ISG20L2: variants seen among roughly 807,000 people sequenced by gnomAD.
ISG20L2 encodes interferon-stimulated 20 kDa exonuclease-like 2.
Under a neutral mutation model 27.8 loss-of-function variants are expected in ISG20L2, and 14 were observed. The ratio of observed to expected loss-of-function variants is 0.50; its 90% CI spans 0.33 to 0.79. ISG20L2 has a LOEUF of 0.79. Ranked by LOEUF, ISG20L2 falls within the 30% of genes least tolerant of loss-of-function variation. The pLI is 0.02. For synonymous variants in ISG20L2, 157 were observed against 165.7 expected (o/e 0.95, Z 0.40); for missense variants, 393 against 435.1 (o/e 0.90, Z 0.86).
intron 2 of ISG20L2, chr1:156,726,157 G>A (rs913281096): frequency 3.0e-6 from 3 of 985,284 alleles, no homozygotes; most frequent in Non-Finnish European, 3.6e-6. Flanking sequence ...TGTTCCAGTT[G>A]GACAATATAT....
chr1:156,726,755 A>T, intron 2 of ISG20L2, 151 bp downstream of exon 2: 1 of 1,446,174 alleles, frequency 6.9e-7, no homozygotes, highest in Non-Finnish European at 9.1e-7. Context: ...TGCTTCTTCC[A>T]CCGACAGGGG....
rs571746121 is a variant in ISG20L2 at position 156,727,841 on chromosome 1, T to A, written c.-117-72A>T. The A allele has an allele frequency of 6.4e-6, 9 of 1,404,986 alleles. No individual in the cohort carries two copies. The African/African-American group carries it at 1.3e-4, about 20-fold the overall frequency. 87.0% of individuals were successfully genotyped at this position (1,404,986 alleles called of 1,614,324 possible). ...AAAAATGAGGTAAGCTCGATCTCCGTAGGACTTATGGAAGGAAAGACATCA... is the reference window on the plus strand; with the variant it reads ...AAAAATGAGGTAAGCTCGATCTCCGAAGGACTTATGGAAGGAAAGACATCA... On this transcript the variant is annotated intron_variant, in intron 1 of 3. Transcript: ENST00000368219.
At chr1:156,724,110 T>C (rs1233155484) in intron 3 of ISG20L2, 38 bp downstream of exon 3, 2 of 1,539,040 alleles carry the variant, frequency 1.3e-6, no homozygotes, top group Non-Finnish European at 1.8e-6. Context: ...ACGAGAGCCA[T>C]GTCCAAGATG....
chr1:156,727,720 C>G lies in ISG20L2; in HGVS notation c.-68G>C. 3 of 1,547,986 alleles carry G rather than the reference C, an allele frequency of 1.9e-6. No homozygotes were observed. Among genetic ancestry groups the G allele is most frequent in the Non-Finnish European group, 2.6e-6 (3 of 1,155,496 alleles). ...ATGGATGAAAAGAGGATGTGGGACT[C>G]ATTCTCTGCTGAATCCTACTGTCCA... On this transcript the variant is annotated 5_prime_UTR_variant, in exon 2 of 4. An upstream start codon of the reference 5' UTR is lost. Coordinates refer to ENST00000368219, the MANE Select transcript of ISG20L2 (RefSeq NM_001370150.2).
chr1:156,725,911 G>A, intron 2 of ISG20L2: 2 of 985,482 alleles, frequency 2.0e-6, no homozygotes, highest in Non-Finnish European at 2.4e-6. Context: ...TGGGAACAGC[G>A]TGTCCAGAGA....
rs1421275608 is a variant in ISG20L2 at position 156,727,784 on chromosome 1, G to A, written c.-117-15C>T. On this transcript the variant is annotated splice_polypyrimidine_tract_variant and intron_variant, in intron 1 of 3. Transcript: ENST00000368219. The stretch of plus-strand genomic sequence containing the variant: ...TGTAGTACACCCTGGGGAAGAAAGT[G>A]ATCCTGGTAATTGAGCTCCTAGGCC... The A allele has an allele frequency of 3.4e-6, 5 of 1,486,806 alleles. No individual in the cohort carries two copies. 92.1% of individuals were successfully genotyped at this position (1,486,806 alleles called of 1,614,324 possible).
intron 2 of ISG20L2, chr1:156,724,740 G>A (rs1383992935): frequency 1.8e-5 from 18 of 992,686 alleles, no homozygotes; most frequent in Admixed American, 5.8e-5. Context: ...GCTGGGACCC[G>A]GGCTCCAGGG....
At chr1:156,726,299 T>C (rs1452854727) in intron 2 of ISG20L2, 3 of 985,240 alleles carry the variant, frequency 3.0e-6, no homozygotes, top group Admixed American at 6.2e-5. Flanking sequence ...ACTCGCAAGG[T>C]TTTTCCAAAT....
chr1:156,726,676 G>A (rs1558013693), intron 2 of ISG20L2: 3 of 984,976 alleles, frequency 3.0e-6, no homozygotes, highest in Non-Finnish European at 3.6e-6. Flanking sequence ...GTGCCACTGC[G>A]CCCGGCTAAA....
In ISG20L2 at chr1:156,724,270, G is replaced by A; in HGVS notation, c.826C>T (p.Pro276Ser). Reference protein sequence around the residue: ...NDFKALQYFHPKSLTRDTSHI... With the variant: ...NDFKALQYFHSKSLTRDTSHI... ...GAGGTGTCACGGGTGAGGGACTTGG[G>A]GTGAAAGTACTGAAGGGCTTTGAAG... The change falls in exon 3 of 4, where the codon CCC (proline) becomes TCC (serine). Residue 276 changes from proline (P) to serine (S), a missense_variant. Around this residue, in one of 3 missense-constraint regions of ISG20L2, gnomAD observed 171 missense variants for 195.3 expected, o/e 0.88. Transcript: ENST00000368219. 6.2e-7 allele frequency: 1 copy of A among 1,614,064 alleles called. No homozygotes were observed. The highest frequency in any genetic ancestry group is 8.5e-7 in the Non-Finnish European group (1 of 1,179,978).
intron 2 of ISG20L2, chr1:156,725,859 C>T (rs1648729800): frequency 1.0e-6 from 1 of 984,968 alleles, no homozygotes; most frequent in Admixed American, 6.1e-5. Context: ...AGTCACCTCA[C>T]CTCTAACGAA....
In ISG20L2 at chr1:156,727,313, C is replaced by A. The variant is rs1648827182; in HGVS notation, c.340G>T (p.Ala114Ser). Residue 114 changes from alanine to serine, a missense_variant, in exon 2 of 4, where the codon GCT (alanine) becomes TCT (serine). Ala to Ser is a moderately conservative substitution (Grantham distance 99, BLOSUM62 1). This residue lies in a region of ISG20L2 where 183 missense variants were observed against 168.2 expected (regional missense o/e 1.09). Transcript: ENST00000368219. ...APSKKADSVA[A>S]KVDLLGEFQS... ...AACTCCCCCAGCAAATCTACTTTAG[C>A]AGCAACAGAATCAGCCTTTTTTGAA... 6.2e-7 allele frequency: 1 copy of A among 1,614,180 alleles called. No homozygotes were observed. The highest frequency in any genetic ancestry group is 8.5e-7 in the Non-Finnish European group (1 of 1,180,032).
chr1:156,726,910 C>A lies in ISG20L2; in HGVS notation c.743G>T (p.Gly248Val), dbSNP rs758637414. The A allele has an allele frequency of 3.4e-5, 55 of 1,610,836 alleles. No homozygotes were observed. The Admixed American group carries it at 9.0e-4, about 26-fold the overall frequency. ...ATCAAGCCCCATGCTTCTTACCTGG[C>A]CTCGAGCAATCTTGAAGGGTGTGGC... ...VNATPFKIAR[G>V]QILKILTGKI... Residue 248 changes from glycine to valine, a missense_variant, in exon 2 of 4, where the codon GGC becomes GTC. Gly to Val is a moderately radical substitution (Grantham distance 109). Transcript: ENST00000368219.
Position 156,723,289 on chromosome 1 carries a change from T to C in ISG20L2, c.*60A>G. ...CTGGTGGAGCTGTCCATTGGTCCAC[T>C]GCCCTGTTTCTCCTGGGTGCTGCCT... On this transcript the variant is annotated 3_prime_UTR_variant, in exon 4 of 4. Coordinates refer to ENST00000368219, the MANE Select transcript of ISG20L2 (RefSeq NM_001370150.2). 3.7e-6 allele frequency: 6 copies of C among 1,604,654 alleles called. No individual in the cohort carries two copies. Among genetic ancestry groups the C allele is most frequent in the Middle Eastern group, 1.7e-4 (1 of 5,904 alleles).
intron 1 of ISG20L2, 93 bp from the exon 2 acceptor site, chr1:156,727,862 C>T: frequency 7.3e-7 from 1 of 1,365,220 alleles, no homozygotes; most frequent in Non-Finnish European, 9.4e-7. Flanking sequence ...GAAGGAAAGA[C>T]ATCAGAGCAA....
chr1:156,723,292 CCT>C lies in ISG20L2; in HGVS notation c.*55_*56del, dbSNP rs978361789. On this transcript the variant is annotated 3_prime_UTR_variant, in exon 4 of 4. Coordinates refer to ENST00000368219, the MANE Select transcript of ISG20L2 (RefSeq NM_001370150.2). ...GTGGAGCTGTCCATTGGTCCACTGCCCTGTTTCTCCTGGGTGCTGCCTCTGCC... is the reference window on the plus strand; with the variant it reads ...GTGGAGCTGTCCATTGGTCCACTGCCGTTTCTCCTGGGTGCTGCCTCTGCC... 5.0e-6 allele frequency: 8 copies of C among 1,606,948 alleles called. No homozygotes were observed. The African/African-American group carries it at 8.0e-5, about 16-fold the overall frequency.
Position 156,722,009 on chromosome 1 carries a change from A to G in ISG20L2, c.*1340T>C, listed in dbSNP as rs1648560860. On this transcript the variant is annotated 3_prime_UTR_variant, in exon 4 of 4. Coordinates refer to ENST00000368219, the MANE Select transcript of ISG20L2 (RefSeq NM_001370150.2). ...CACTTTATAAATTATTTTAAAACCTACCAACTGGGGCCTAAATGAAATAAA... is the reference window on the plus strand; with the variant it reads ...CACTTTATAAATTATTTTAAAACCTGCCAACTGGGGCCTAAATGAAATAAA... The G allele has an allele frequency of 6.6e-6, 1 of 152,200 alleles. No homozygotes were observed. The allele number at this position is 152,200 out of a possible 1,614,324, so 9.4% of individuals were successfully genotyped here.
chr1:156,723,117 T>G lies in ISG20L2; in HGVS notation c.*232A>C, dbSNP rs1648606307. The G allele has an allele frequency of 5.5e-6, 3 of 542,490 alleles. No homozygotes were observed. The highest frequency in any genetic ancestry group is 1.9e-5 in the African/African-American group (1 of 53,128). 33.6% of individuals were successfully genotyped at this position (542,490 alleles called of 1,614,324 possible). A position where few individuals can be genotyped will look rare whatever the true frequency, so the allele number is the denominator to read the frequency against. On this transcript the variant is annotated 3_prime_UTR_variant, in exon 4 of 4. Coordinates refer to ENST00000368219, the MANE Select transcript of ISG20L2 (RefSeq NM_001370150.2). The stretch of plus-strand genomic sequence containing the variant: ...AGCACCATTTAAGAAGTAAAAGGTA[T>G]AGGGTTGGGTTCTGACGTGAAGGCT...
At position 156,727,036 on chromosome 1, in the gene ISG20L2, T is replaced by C. The variant is rs756577864; in HGVS notation, c.617A>G (p.Tyr206Cys). ...CTCGTCATAAAGCACATCTCCGTTG[T>C]AGTTGACAATGCTACATCGAGCCAA... The part of the protein sequence containing the change: ...SSLARCSIVN[Y>C]NGDVLYDEYI... The change falls in exon 2 of 4, where the codon TAC (tyrosine) becomes TGC (cysteine). Residue 206 changes from tyrosine to cysteine, a missense_variant. Around this residue, in one of 3 missense-constraint regions of ISG20L2, gnomAD observed 171 missense variants for 195.3 expected, o/e 0.88. Transcript: ENST00000368219. 2 of 1,614,170 alleles carry C rather than the reference T, an allele frequency of 1.2e-6. No individual in the cohort carries two copies. The highest frequency in any genetic ancestry group is 1.7e-6 in the Non-Finnish European group (2 of 1,180,030).
Sources: gnomAD v4.1 joint callset for allele counts on GRCh38, gnomAD v4.1.1 for gene constraint, gnomAD v4.1.1 regional missense constraint, MANE v1.5 for transcripts, NCBI Gene and HGNC (gene_info 2026-07-23, HGNC 2026-07-21) for gene names.